The following ACOT11 variants were observed in gnomAD, a reference collection of about 807,000 sequenced individuals.
ACOT11 encodes the protein acyl-coenzyme A thioesterase 11.
In ACOT11, 69 loss-of-function variants were observed where a neutral mutation model predicts 77.5. The observed-to-expected ratio is 0.89, with a 90% CI of 0.73 to 1.09. The LOEUF is 1.09. ACOT11 is among the 50% of genes least tolerant of loss of function. The pLI, the probability that ACOT11 is intolerant of heterozygous loss-of-function variation, is 0.00. For missense variants in ACOT11, 766 were observed against 813.7 expected (o/e 0.94, Z 0.71); for synonymous variants, 279 against 313.0 (o/e 0.89, Z 1.15).
At chr1:54,560,533 G>C (rs1653431292) in intron 1 of ACOT11, among the ~76,000 whole-genome samples, 1 of 152,300 alleles carries the variant, frequency 6.6e-6, no homozygotes, top group South Asian at 2.1e-4. Context: ...TTAAGCATCT[G>C]TTTTTGTTTT....
At chr1:54,579,413 C>A (rs975623980) in intron 1 of ACOT11, among the ~76,000 whole-genome samples, 7 of 152,110 alleles carry the variant, frequency 4.6e-5, no homozygotes, top group Admixed American at 2.6e-4. Flanking sequence ...GCCTCAGAGC[C>A]TTTTTTGGGA....
At chr1:54,604,112 G>A (rs115975093) in intron 11 of ACOT11, among the ~76,000 whole-genome samples, 175 bp downstream of exon 11, 3,472 of 152,218 alleles carry the variant, frequency 0.023, 129 homozygotes, top group African/African-American at 0.08. Context: ...AGGTGGAAGC[G>A]GAGACCCTGA....
In ACOT11 at chr1:54,550,277, G is replaced by A. The variant is rs1178239527; in HGVS notation, c.33+1935G>A. On this transcript the variant is annotated intron_variant, in intron 1 of 15. Transcript: ENST00000343744. ...CATTCAGCTTCCTTGCACTACCTTT[G>A]TTGAGTCTGGGGGTGGAGGTGGGTA... Among the ~76,000 whole-genome samples, 3 of 152,180 alleles carry A rather than the reference G, an allele frequency of 2.0e-5. No homozygotes were observed. The East Asian group carries it at 5.8e-4, about 29-fold the overall frequency.
chr1:54,594,576 G>GC lies in ACOT11; in HGVS notation c.494dup (p.Arg166AlafsTer14). On this transcript the variant is annotated frameshift_variant, in exon 6 of 16. Coordinates refer to ENST00000343744, the MANE Select transcript of ACOT11 (RefSeq NM_147161.4). LOFTEE classifies it high-confidence loss of function. ...GACAGGTGAAGCTGAAGCAGATCAC[G>GC]CCGCGGACAGAAGAGGAGAAGATGG... 6.2e-7 allele frequency: 1 copy of GC among 1,613,830 alleles called. No homozygotes were observed. The highest frequency in any genetic ancestry group is 8.5e-7 in the Non-Finnish European group (1 of 1,179,866).
At chr1:54,553,115 C>T (rs190230743) in intron 1 of ACOT11, among the ~76,000 whole-genome samples, 58 of 152,206 alleles carry the variant, frequency 3.8e-4, no homozygotes, top group African/African-American at 1.3e-3. Flanking sequence ...GCGTGAACCA[C>T]CATGCCCGGC....
At chr1:54,599,048 A>G (rs1643921522) in intron 7 of ACOT11, among the ~76,000 whole-genome samples, 1 of 142,462 alleles carries the variant, frequency 7.0e-6, no homozygotes, top group African/African-American at 2.6e-5. Flanking sequence ...CAGGAGGCTG[A>G]GGCAGGAGAA....
chr1:54,597,490 G>T, intron 7 of ACOT11, 75 bp downstream of exon 7: 5 of 1,485,526 alleles, frequency 3.4e-6, no homozygotes, highest in Non-Finnish European at 4.5e-6. Context: ...CCTCTGGAGG[G>T]GAAACCCCAG....
At chr1:54,582,044 G>C (rs979634548) in intron 1 of ACOT11, among the ~76,000 whole-genome samples, 5 of 152,248 alleles carry the variant, frequency 3.3e-5, no homozygotes, top group African/African-American at 9.6e-5. Flanking sequence ...TTTGAGGGGA[G>C]TGGTGGGGAT....
At chr1:54,566,416 C>T (rs1392160474) in intron 1 of ACOT11, among the ~76,000 whole-genome samples, 1 of 148,546 alleles carries the variant, frequency 6.7e-6, no homozygotes, top group African/African-American at 2.5e-5. Context: ...GAGATTGTGC[C>T]ACTGCACTCC....
chr1:54,560,331 A>G (rs1316772430), intron 1 of ACOT11, among the ~76,000 whole-genome samples: 1 of 152,120 alleles, frequency 6.6e-6, no homozygotes, highest in Admixed American at 6.5e-5. Context: ...AGGAAGAATG[A>G]TCCAGGCAGA....
chr1:54,576,422 G>A (rs1000708928), intron 1 of ACOT11, among the ~76,000 whole-genome samples: 5 of 149,960 alleles, frequency 3.3e-5, no homozygotes, highest in African/African-American at 1.2e-4. Flanking sequence ...ACTGGAGCCT[G>A]GGAGGTGGAG....
Position 54,601,409 on chromosome 1 carries a change from C to T in ACOT11, c.1025C>T (p.Pro342Leu). 2.5e-6 allele frequency: 4 copies of T among 1,612,010 alleles called. No individual in the cohort carries two copies. The highest frequency in any genetic ancestry group is 3.4e-6 in the Non-Finnish European group (4 of 1,179,846). Residue 342 changes from proline to leucine, a missense_variant, in exon 9 of 16, where the codon CCC (proline) becomes CTC (leucine). Physicochemically the swap from Pro to Leu is moderately conservative, Grantham distance 98. Coordinates refer to ENST00000343744, the MANE Select transcript of ACOT11 (RefSeq NM_147161.4). ...PQLLPWIRPQ[P>L]GDGERRYREA... ...TTGCTGCCCTGGATTCGGCCCCAGC[C>T]CGGCGTAAGTGGGACCAGCGCCCTG...
Position 54,629,208 on chromosome 1 carries a change from A to G in ACOT11, c.1630-1526A>G, listed in dbSNP as rs1323154372. 2.2e-5 allele frequency among the ~76,000 whole-genome samples: 3 copies of G among 134,736 alleles called. 1 individual carries two copies. The highest frequency in any genetic ancestry group is 5.0e-5 in the Non-Finnish European group (3 of 59,504). 88.4% of individuals were successfully genotyped at this position (134,736 alleles called of 152,430 possible). On this transcript the variant is annotated intron_variant, in intron 15 of 16. Transcript: ENST00000371316. ...AGGCACCATGGGTGAAAACCAAGAGATGATGTAAACAGCAGAATCAGACCC... is the reference window on the plus strand; with the variant it reads ...AGGCACCATGGGTGAAAACCAAGAGGTGATGTAAACAGCAGAATCAGACCC...
At chr1:54,603,496 C>T (rs1254102785) in intron 10 of ACOT11, among the ~76,000 whole-genome samples, 1 of 152,166 alleles carries the variant, frequency 6.6e-6, no homozygotes, top group African/African-American at 2.4e-5. Flanking sequence ...TGAGCATTTA[C>T]CGTGTGCCAA....
At chr1:54,587,936 C>T (rs1654564411) in intron 3 of ACOT11, among the ~76,000 whole-genome samples, 1 of 151,300 alleles carries the variant, frequency 6.6e-6, no homozygotes, top group Non-Finnish European at 1.5e-5. Flanking sequence ...AGTACAAGGC[C>T]GGGCGCAGTG....
In ACOT11 at chr1:54,607,240, T is replaced by A. The variant is rs770420515; in HGVS notation, c.1477T>A (p.Ser493Thr). The change falls in exon 14 of 16, where the codon TCG becomes ACG. Residue 493 changes from serine (S) to threonine (T), a missense_variant. Coordinates refer to ENST00000343744, the MANE Select transcript of ACOT11 (RefSeq NM_147161.4). The surrounding 1 kb of genome is among the most constrained non-coding windows in gnomAD (Gnocchi z 4.5). The part of the protein sequence containing the change: ...TKPQDFVILA[S>T]RRKPCDNGDP... ...GCCCCAGGACTTCGTGATCCTGGCC[T>A]CGAGGCGGAAGCCTTGTGACAATGG... The A allele has an allele frequency of 8.7e-6, 14 of 1,614,144 alleles. No homozygotes were observed. In the South Asian group the frequency reaches 1.5e-4, roughly 18 times the overall value.
Position 54,605,175 on chromosome 1 carries a change from C to T in ACOT11, c.1336C>T (p.Leu446=). 6.2e-7 allele frequency: 1 copy of T among 1,613,808 alleles called. No individual in the cohort carries two copies. Among genetic ancestry groups the T allele is most frequent in the Non-Finnish European group, 8.5e-7 (1 of 1,180,034 alleles). Residue 446 remains leucine, a synonymous_variant, in exon 13 of 16, where the codon CTG becomes TTG. Coordinates refer to ENST00000343744, the MANE Select transcript of ACOT11 (RefSeq NM_147161.4). The part of the protein sequence containing the change: ...AAQAFLLLSD[L]RQRPEWDKHY... ...CCAGGCCTTCCTGCTGCTCTCGGAC[C>T]TGCGTCAGAGGCCAGAGTGGGACAA...
intron 3 of ACOT11, among the ~76,000 whole-genome samples, chr1:54,586,423 A>C (rs948680098): frequency 1.4e-5 from 2 of 144,108 alleles, no homozygotes; most frequent in Admixed American, 1.4e-4. Flanking sequence ...ACTAAAGTAG[A>C]CTTTTTTTTT....
chr1:54,594,468 C>T (rs981323216), intron 5 of ACOT11, 88 bp from the exon 6 acceptor site: 21 of 1,492,960 alleles, frequency 1.4e-5, no homozygotes, highest in Non-Finnish European at 1.7e-5. Flanking sequence ...GTGCTAGCCT[C>T]GGGCATGGCA....
Sources: gnomAD v4.1 joint callset for allele counts (sites outside exome capture counted in the v4.1 genomes callset) on GRCh38, gnomAD v4.1.1 for gene constraint, Gnocchi (gnomAD v3.1) non-coding constraint, MANE v1.5 for transcripts, NCBI Gene and HGNC (gene_info 2026-07-23, HGNC 2026-07-21) for gene names.